Variants in ZFP14 observed in about 807,000 individuals in gnomAD.
ZFP14 encodes ZFP14 zinc finger protein.
ZFP14 carries 22 observed loss-of-function variants against 54.5 expected under a neutral mutation model. The observed-to-expected ratio is 0.40, with a 90% CI of 0.29 to 0.58. The LOEUF is 0.58. Ranked by LOEUF, ZFP14 falls within the 20% of genes least tolerant of loss-of-function variation. The pLI is 0.39. For synonymous variants in ZFP14, 159 were observed against 204.0 expected (o/e 0.78, Z 1.88); for missense variants, 470 against 637.8 (o/e 0.74, Z 2.83).
At position 36,374,691 on chromosome 19, in the gene ZFP14, T is replaced by C. The variant is rs369130948; in HGVS notation, c.-80+4472A>G. Among the ~76,000 whole-genome samples, 8 of 152,114 alleles carry C rather than the reference T, an allele frequency of 5.3e-5. No homozygotes were observed. In the East Asian group the frequency reaches 1.2e-3, roughly 22 times the overall value. Reference sequence around the variant, plus strand: ...ATTTTGAATGGGTGAAGCCAGTGTGTTAAAAAAAGAAAATACCAGCATGTG... The same window carrying C: ...ATTTTGAATGGGTGAAGCCAGTGTGCTAAAAAAAGAAAATACCAGCATGTG... On this transcript the variant is annotated intron_variant, in intron 1 of 4. Coordinates refer to ENST00000270001, the MANE Select transcript of ZFP14 (RefSeq NM_020917.3).
chr19:36,368,900 A>G (rs1020403971), intron 1 of ZFP14, among the ~76,000 whole-genome samples: 6 of 151,830 alleles, frequency 4.0e-5, no homozygotes, highest in African/African-American at 1.5e-4. Context: ...CTGGAGTGCA[A>G]TGGCACGATC....
intron 1 of ZFP14, among the ~76,000 whole-genome samples, chr19:36,371,715 T>C (rs1239056263): frequency 1.3e-5 from 2 of 152,094 alleles, no homozygotes; most frequent in Middle Eastern, 3.4e-3. Flanking sequence ...TCCCAGCACT[T>C]TGGGAGGCCA....
chr19:36,342,632 C>G (rs1330678990), intron 4 of ZFP14, among the ~76,000 whole-genome samples: 1 of 152,120 alleles, frequency 6.6e-6, no homozygotes, highest in Non-Finnish European at 1.5e-5. Context: ...TCCTGAGACA[C>G]TGTACATGAA....
At chr19:36,368,595 C>T (rs941527998) in intron 1 of ZFP14, among the ~76,000 whole-genome samples, 2 of 152,160 alleles carry the variant, frequency 1.3e-5, no homozygotes, top group African/African-American at 4.8e-5. Context: ...CTGGATTACT[C>T]AGATTTGTTC....
At chr19:36,357,420 A>C (rs2031633868) in intron 4 of ZFP14, among the ~76,000 whole-genome samples, 1 of 152,140 alleles carries the variant, frequency 6.6e-6, no homozygotes, top group Non-Finnish European at 1.5e-5. Context: ...TGGGACACTC[A>C]TCACTGTCCT....
At chr19:36,365,002 T>A (rs1394811703) in intron 2 of ZFP14, among the ~76,000 whole-genome samples, 2 of 112,236 alleles carry the variant, frequency 1.8e-5, no homozygotes, top group African/African-American at 7.1e-5. Context: ...TTCTTTTTTT[T>A]TTTTTTTTTT....
chr19:36,340,686 T>C lies in ZFP14; in HGVS notation c.1140A>G (p.Arg380=). ...CKECGKTFRL[R]QQLVRHQRIH... ...TTCTCTGATGGCGAACTAGTTGTTG[T>C]CTTAATCTAAAAGTCTTCCCACATT... is the stretch of plus-strand genomic sequence containing the variant. Residue 380 remains arginine, a synonymous_variant, in exon 5 of 5, where the codon AGA becomes AGG. Transcript: ENST00000270001. The surrounding 1 kb of genome is among the most constrained non-coding windows in gnomAD (Gnocchi z 5.4). 1 of 1,613,670 alleles carries C rather than the reference T, an allele frequency of 6.2e-7. No homozygotes were observed. Among genetic ancestry groups the C allele is most frequent in the Non-Finnish European group, 8.5e-7 (1 of 1,179,870 alleles).
At chr19:36,348,391 T>C (rs577984603) in intron 4 of ZFP14, among the ~76,000 whole-genome samples, 1 of 152,182 alleles carries the variant, frequency 6.6e-6, no homozygotes, top group African/African-American at 2.4e-5. Flanking sequence ...AAGTTGGCCT[T>C]CATGAGATCA....
chr19:36,377,665 T>C (rs2031983889), intron 1 of ZFP14, among the ~76,000 whole-genome samples: 1 of 152,022 alleles, frequency 6.6e-6, no homozygotes, highest in Non-Finnish European at 1.5e-5. Flanking sequence ...AGAAACTAAA[T>C]TACTGCCAAA....
intron 2 of ZFP14, among the ~76,000 whole-genome samples, chr19:36,366,770 T>G (rs190376240): frequency 6.6e-6 from 1 of 152,336 alleles, no homozygotes; most frequent in Non-Finnish European, 1.5e-5. Context: ...ACTCAATTTA[T>G]GAAAATTCAT....
At chr19:36,366,541 T>C (rs1414694618) in intron 2 of ZFP14, among the ~76,000 whole-genome samples, 1 of 152,130 alleles carries the variant, frequency 6.6e-6, no homozygotes, top group Non-Finnish European at 1.5e-5. Context: ...GGTCTGGAAC[T>C]CCTGAGCTTA....
At chr19:36,354,348 G>A (rs2031578956) in intron 4 of ZFP14, among the ~76,000 whole-genome samples, 1 of 124,034 alleles carries the variant, frequency 8.1e-6, no homozygotes, top group Non-Finnish European at 1.7e-5. Context: ...TCCAGGCTGG[G>A]CGACAGAGAG....
At chr19:36,346,463 C>T (rs2031415676) in intron 4 of ZFP14, among the ~76,000 whole-genome samples, 1 of 147,728 alleles carries the variant, frequency 6.8e-6, no homozygotes, top group African/African-American at 2.5e-5. Context: ...AGAGCTCTCA[C>T]TTTTTTTTTT....
chr19:36,359,401 A>G (rs1291906464), intron 4 of ZFP14, among the ~76,000 whole-genome samples: 1 of 152,180 alleles, frequency 6.6e-6, no homozygotes, highest in Non-Finnish European at 1.5e-5. Context: ...AGGAGTTTGT[A>G]TAATACTGCT....
intron 1 of ZFP14, 45 bp from the exon 2 acceptor site, chr19:36,368,016 C>T: frequency 8.7e-7 from 1 of 1,149,156 alleles, no homozygotes; most frequent in Non-Finnish European, 1.2e-6. Context: ...CGCCACAGAG[C>T]TCCCAAAATG....
In ZFP14 at chr19:36,369,509, C is replaced by T. The variant is rs536703730; in HGVS notation, c.-79-1538G>A. On this transcript the variant is annotated intron_variant, in intron 1 of 4. Coordinates refer to ENST00000270001, the MANE Select transcript of ZFP14 (RefSeq NM_020917.3). ...CACTGTAACCTCTGCCTCCAGGGTT[C>T]AAGCGTTTCTCCTGCCTCAGTCTTC... Among the ~76,000 whole-genome samples, 18 of 152,160 alleles carry T rather than the reference C, an allele frequency of 1.2e-4. No homozygotes were observed. In the South Asian group the frequency reaches 3.7e-3, roughly 32 times the overall value.
At chr19:36,360,742 G>A (rs1195613203) in intron 3 of ZFP14, among the ~76,000 whole-genome samples, 5 of 152,076 alleles carry the variant, frequency 3.3e-5, no homozygotes, top group Non-Finnish European at 2.9e-5. Flanking sequence ...GTATACTAAG[G>A]CCATTATATT....
chr19:36,370,842 T>C (rs1400069430), intron 1 of ZFP14, among the ~76,000 whole-genome samples: 1 of 152,264 alleles, frequency 6.6e-6, no homozygotes, highest in East Asian at 1.9e-4. Flanking sequence ...TCCTTTCAAG[T>C]GTGCAGACAT....
At chr19:36,352,797 C>T (rs186995987) in intron 4 of ZFP14, among the ~76,000 whole-genome samples, 1,992 of 142,074 alleles carry the variant, frequency 0.014, 303 homozygotes, top group Non-Finnish European at 0.019. Flanking sequence ...AAAAATTAGC[C>T]GGGCGTGGTG....
Sources: allele counts gnomAD v4.1 joint callset (sites outside exome capture counted in the v4.1 genomes callset), GRCh38; gene constraint gnomAD v4.1.1; non-coding constraint Gnocchi (gnomAD v3.1); transcripts MANE v1.5; gene names NCBI Gene and HGNC (gene_info 2026-07-23, HGNC 2026-07-21).